The following ARSB variants were observed in gnomAD, a reference collection of about 807,000 sequenced individuals.
ARSB encodes the protein arylsulfatase B, also known as N-acetylgalactosamine-4-sulfatase.
In ARSB, 41 loss-of-function variants were observed where a neutral mutation model predicts 50.9. That is an observed-to-expected ratio of 0.81 (90% CI 0.63 to 1.04). ARSB has a LOEUF of 1.04. ARSB is among the 50% of genes least tolerant of loss of function. The pLI, the probability that ARSB is intolerant of heterozygous loss-of-function variation, is 0.00. For synonymous variants in ARSB, 269 were observed against 284.8 expected, an observed-to-expected ratio of 0.94 and a Z score of 0.56; for missense variants, 672 against 693.3, an observed-to-expected ratio of 0.97 and a Z score of 0.35.
At chr5:78,954,163 G>C (rs961238422) in intron 4 of ARSB, among the ~76,000 whole-genome samples, 2 of 151,968 alleles carry the variant, frequency 1.3e-5, no homozygotes, top group Non-Finnish European at 2.9e-5. Context: ...TAGGAGTTCT[G>C]TACAGAAAAA....
intron 6 of ARSB, among the ~76,000 whole-genome samples, chr5:78,831,540 G>A (rs927114420): frequency 8.5e-5 from 13 of 152,130 alleles, no homozygotes; most frequent in African/African-American, 2.9e-4. Context: ...TGAGATGATC[G>A]TAACTCATAT....
chr5:78,889,054 C>T (rs1010500935), intron 4 of ARSB, among the ~76,000 whole-genome samples: 1 of 152,142 alleles, frequency 6.6e-6, no homozygotes, highest in African/African-American at 2.4e-5. Context: ...TGGCACCTGG[C>T]CGATGGTTGC....
intron 5 of ARSB, among the ~76,000 whole-genome samples, chr5:78,861,042 C>T (rs542068638): frequency 6.6e-6 from 1 of 152,320 alleles, no homozygotes; most frequent in East Asian, 1.9e-4. Flanking sequence ...GACACACACA[C>T]CCTCCCAAGA....
At chr5:78,933,251 G>T (rs1750427171) in intron 4 of ARSB, among the ~76,000 whole-genome samples, 2 of 151,994 alleles carry the variant, frequency 1.3e-5, no homozygotes, top group Admixed American at 1.3e-4. Flanking sequence ...TTGAAGAATG[G>T]GCCTGAATTT....
At chr5:78,851,387 T>C (rs1745769742) in intron 5 of ARSB, among the ~76,000 whole-genome samples, 2 of 152,234 alleles carry the variant, frequency 1.3e-5, no homozygotes, top group African/African-American at 4.8e-5. Context: ...AGTTTCTGAA[T>C]CCTGAGTTCT....
intron 4 of ARSB, among the ~76,000 whole-genome samples, chr5:78,939,408 T>C (rs1413186223): frequency 1.3e-5 from 2 of 152,030 alleles, no homozygotes; most frequent in Non-Finnish European, 2.9e-5. Flanking sequence ...ATTAGGTATA[T>C]CTCCTAATGC....
chr5:78,952,992 C>T (rs1367175871), intron 4 of ARSB, among the ~76,000 whole-genome samples: 1 of 151,970 alleles, frequency 6.6e-6, no homozygotes, highest in Non-Finnish European at 1.5e-5. Flanking sequence ...AAATGCTATG[C>T]CAGGATATTC....
intron 5 of ARSB, among the ~76,000 whole-genome samples, chr5:78,864,841 C>T (rs1055082383): frequency 1.4e-4 from 21 of 152,164 alleles, no homozygotes; most frequent in African/African-American, 4.8e-4. Context: ...CATGCAAGTC[C>T]AAAATCCAGT....
intron 5 of ARSB, chr5:78,883,581 A>G (rs751295255): frequency 2.6e-5 from 4 of 152,246 alleles, no homozygotes; most frequent in Non-Finnish European, 5.9e-5. Flanking sequence ...AAAATTTAAT[A>G]AATTCTCGAA....
intron 1 of ARSB, among the ~76,000 whole-genome samples, chr5:78,980,605 C>T (rs186130895): frequency 6.3e-4 from 96 of 152,092 alleles, no homozygotes; most frequent in Admixed American, 1.4e-3. Flanking sequence ...AAAATAGGAG[C>T]TGCAGATCAG....
chr5:78,780,661 G>A lies in ARSB; in HGVS notation c.1338C>T (p.Gly446=), dbSNP rs1165970318. ...GNWKLLTGYP[G]CGYWFPPPSQ... ...ACGGTGGAGGGAACCAGTAACCACA[G>A]CCTAGCAAAGAAAACAAAACAGTTT... is the stretch of plus-strand genomic sequence containing the variant. The change falls in exon 8 of 8, where the codon GGC becomes GGT. Residue 446 remains glycine (G), a splice_region_variant and synonymous_variant. Transcript: ENST00000264914. The A allele has an allele frequency of 6.2e-6, 10 of 1,613,954 alleles. No individual in the cohort carries two copies. The highest frequency in any genetic ancestry group is 7.6e-6 in the Non-Finnish European group (9 of 1,179,992).
At chr5:78,850,762 T>C (rs1169473236) in intron 5 of ARSB, among the ~76,000 whole-genome samples, 1 of 152,240 alleles carries the variant, frequency 6.6e-6, no homozygotes, top group Non-Finnish European at 1.5e-5. Flanking sequence ...ATTCAGAGAT[T>C]CAACTTCTTC....
At chr5:78,877,095 T>C (rs1340945667) in intron 5 of ARSB, among the ~76,000 whole-genome samples, 1 of 152,126 alleles carries the variant, frequency 6.6e-6, no homozygotes, top group African/African-American at 2.4e-5. Context: ...GTGAGTGAAC[T>C]ACTCACAACA....
intron 6 of ARSB, among the ~76,000 whole-genome samples, chr5:78,811,200 C>T (rs1743794146): frequency 1.3e-5 from 2 of 152,168 alleles, no homozygotes; most frequent in South Asian, 4.1e-4. Flanking sequence ...CTATCCTGGT[C>T]TTGCCCCCAT....
intron 6 of ARSB, chr5:78,816,167 C>A (rs1743982697): frequency 6.2e-7 from 1 of 1,613,624 alleles, no homozygotes; most frequent in Admixed American, 1.7e-5. Flanking sequence ...TCTCAGGGTA[C>A]GGTTGTATCA....
chr5:78,910,690 G>A (rs1334578127), intron 4 of ARSB, among the ~76,000 whole-genome samples: 3 of 152,052 alleles, frequency 2.0e-5, no homozygotes, highest in East Asian at 3.9e-4. Flanking sequence ...TTCAGACAAC[G>A]ATTACTTCAA....
chr5:78,917,245 C>A (rs1259494225), intron 4 of ARSB, among the ~76,000 whole-genome samples: 3 of 152,154 alleles, frequency 2.0e-5, no homozygotes, highest in African/African-American at 7.2e-5. Context: ...AAACTACAGA[C>A]TATATTCTAT....
At chr5:78,815,879 T>C in intron 6 of ARSB, 1 of 1,413,076 alleles carries the variant, frequency 7.1e-7, no homozygotes, top group Non-Finnish European at 9.2e-7. Flanking sequence ...CTGTGGTAGT[T>C]TATGGTTGAT....
chr5:78,805,285 C>G (rs1743520931), intron 6 of ARSB, among the ~76,000 whole-genome samples: 1 of 152,112 alleles, frequency 6.6e-6, no homozygotes, highest in Admixed American at 6.5e-5. Context: ...GAGAATCTGC[C>G]ATATTAGGGA....
Sources: gnomAD v4.1 joint callset for allele counts (sites outside exome capture counted in the v4.1 genomes callset) on GRCh38, gnomAD v4.1.1 for gene constraint, MANE v1.5 for transcripts, NCBI Gene and HGNC (gene_info 2026-07-23, HGNC 2026-07-21) for gene names.